Variants in PPP3CC observed in about 807,000 individuals in gnomAD.
The protein encoded by PPP3CC is serine/threonine-protein phosphatase 2B catalytic subunit gamma isoform.
PPP3CC carries 35 observed loss-of-function variants against 60.3 expected under a neutral mutation model. That is an observed-to-expected ratio of 0.58 (90% CI 0.44 to 0.77). The LOEUF (loss-of-function observed/expected upper bound fraction) is 0.77, where lower values mean the gene tolerates loss of function less well. PPP3CC is among the 30% of genes least tolerant of loss of function. The pLI, the probability that PPP3CC is intolerant of heterozygous loss-of-function variation, is 0.00. For synonymous variants in PPP3CC, 206 were observed against 224.3 expected (o/e 0.92, Z 0.73); for missense variants, 570 against 628.9 (o/e 0.91, Z 1.00).
In PPP3CC at chr8:22,539,928, T is replaced by C. The variant is rs568540539; in HGVS notation, c.1351+430T>C. Among the ~76,000 whole-genome samples the C allele has an allele frequency of 3.5e-4, 53 of 152,380 alleles. 1 individual carries two copies. The South Asian group carries it at 8.5e-3, about 24-fold the overall frequency. ...ATTTAGTTCAATTCATTTCTGAGGT[T>C]GCCCTAAGGTAGGCAAGTTAAATTA... On this transcript the variant is annotated intron_variant, in intron 13 of 13. Transcript: ENST00000240139.
At chr8:22,490,947 A>G (rs1419496152) in intron 3 of PPP3CC, among the ~76,000 whole-genome samples, 2 of 152,328 alleles carry the variant, frequency 1.3e-5, no homozygotes, top group Non-Finnish European at 2.9e-5. Flanking sequence ...AGCATGACTT[A>G]TAATCCTTTG....
intron 1 of PPP3CC, among the ~76,000 whole-genome samples, chr8:22,474,371 C>T (rs1837823460): frequency 6.6e-6 from 1 of 151,906 alleles, no homozygotes; most frequent in Non-Finnish European, 1.5e-5. Context: ...TCATTTATAA[C>T]TTGTTCCCTG....
chr8:22,517,839 A>T (rs764284452), intron 6 of PPP3CC, among the ~76,000 whole-genome samples: 1 of 151,456 alleles, frequency 6.6e-6, no homozygotes, highest in Non-Finnish European at 1.5e-5. Flanking sequence ...TTGTTTTTCT[A>T]TTCTCTATTT....
At chr8:22,484,125 G>C (rs575457444) in intron 3 of PPP3CC, among the ~76,000 whole-genome samples, 1 of 152,092 alleles carries the variant, frequency 6.6e-6, no homozygotes. Context: ...AGGATTACAG[G>C]CATGTGCTAC....
intron 12 of PPP3CC, among the ~76,000 whole-genome samples, chr8:22,538,982 C>CT (rs908372224): frequency 8.7e-5 from 13 of 149,034 alleles, no homozygotes; most frequent in East Asian, 1.9e-4. Flanking sequence ...AAAGGCCACT[C>CT]TTTTTTTTTT....
At chr8:22,458,581 G>C (rs1004598603) in intron 1 of PPP3CC, among the ~76,000 whole-genome samples, 4 of 151,448 alleles carry the variant, frequency 2.6e-5, no homozygotes, top group South Asian at 2.1e-4. Flanking sequence ...CTGGGCAACA[G>C]AGCGAGACAC....
chr8:22,481,449 A>G (rs1838067486), intron 3 of PPP3CC, among the ~76,000 whole-genome samples: 1 of 151,276 alleles, frequency 6.6e-6, no homozygotes, highest in Admixed American at 6.6e-5. Context: ...GGATGTAAAA[A>G]CGTTAGTTTC....
At position 22,476,344 on chromosome 8, in the gene PPP3CC, A is replaced by G. The variant is rs1320269503; in HGVS notation, c.372+720A>G. 2.0e-5 allele frequency among the ~76,000 whole-genome samples: 3 copies of G among 152,192 alleles called. No individual in the cohort carries two copies. In the East Asian group the frequency reaches 5.8e-4, roughly 29 times the overall value. On this transcript the variant is annotated intron_variant, in intron 3 of 13. Transcript: ENST00000240139. ...AAAAAACTTTTGAAATAGCGTGGGT[A>G]ATAGGATTTGTAATGTGACCAAGAA...
At chr8:22,451,387 C>G (rs760464374) in intron 1 of PPP3CC, among the ~76,000 whole-genome samples, 1 of 152,172 alleles carries the variant, frequency 6.6e-6, no homozygotes, top group Non-Finnish European at 1.5e-5. Context: ...CTGCCCTCCT[C>G]GGCCTCCCAA....
chr8:22,485,638 G>A (rs1461233626), intron 3 of PPP3CC, among the ~76,000 whole-genome samples: 1 of 152,188 alleles, frequency 6.6e-6, no homozygotes, highest in Non-Finnish European at 1.5e-5. Flanking sequence ...TCTTCTCTGA[G>A]ATGAGTCAGC....
At chr8:22,531,881 T>C (rs1479236907) in intron 10 of PPP3CC, among the ~76,000 whole-genome samples, 1 of 152,268 alleles carries the variant, frequency 6.6e-6, no homozygotes, top group African/African-American at 2.4e-5. Flanking sequence ...ACATCTTTGC[T>C]GTAGCAGCTT....
At chr8:22,457,067 C>T (rs1218100461) in intron 1 of PPP3CC, among the ~76,000 whole-genome samples, 1 of 128,710 alleles carries the variant, frequency 7.8e-6, no homozygotes, top group Non-Finnish European at 1.7e-5. Flanking sequence ...CCCTCCCTCC[C>T]TCCCTCCTTC....
chr8:22,478,224 T>C (rs932951191), intron 3 of PPP3CC, among the ~76,000 whole-genome samples: 8 of 151,644 alleles, frequency 5.3e-5, no homozygotes, highest in African/African-American at 1.9e-4. Context: ...CGATCTTGGC[T>C]CAGTGCAACC....
intron 1 of PPP3CC, among the ~76,000 whole-genome samples, chr8:22,464,578 C>T (rs1040034207): frequency 1.3e-5 from 2 of 152,082 alleles, no homozygotes; most frequent in Admixed American, 6.5e-5. Flanking sequence ...GACAGAGTTT[C>T]GCCATGTTGC....
At chr8:22,489,767 TTTATA>T (rs1213595213) in intron 3 of PPP3CC, among the ~76,000 whole-genome samples, 147 of 138,336 alleles carry the variant, frequency 1.1e-3, no homozygotes, top group Middle Eastern at 3.8e-3. Flanking sequence ...AAGTATATAT[TTTATA>T]TTATATATAT....
intron 12 of PPP3CC, among the ~76,000 whole-genome samples, chr8:22,535,898 A>AT: frequency 6.6e-6 from 1 of 152,078 alleles, no homozygotes; most frequent in East Asian, 1.9e-4. Context: ...TGCCCGGATA[A>AT]TTTTTTATAT....
chr8:22,441,925 C>T (rs1274569979), intron 1 of PPP3CC, among the ~76,000 whole-genome samples: 1 of 152,178 alleles, frequency 6.6e-6, no homozygotes, highest in Non-Finnish European at 1.5e-5. Context: ...CAAGTCACTG[C>T]TATTACTGGA....
intron 1 of PPP3CC, among the ~76,000 whole-genome samples, chr8:22,474,655 G>A (rs575029707): frequency 6.6e-6 from 1 of 152,252 alleles, no homozygotes; most frequent in South Asian, 2.1e-4. Context: ...AGTGAGCTGA[G>A]ATCGTGTCAC....
intron 8 of PPP3CC, among the ~76,000 whole-genome samples, chr8:22,526,939 A>G (rs2117133331): frequency 6.6e-6 from 1 of 152,356 alleles, no homozygotes; most frequent in East Asian, 1.9e-4. Context: ...GATAACTGCA[A>G]TATATAAACT....
Sources: allele counts gnomAD v4.1 joint callset (sites outside exome capture counted in the v4.1 genomes callset), GRCh38; gene constraint gnomAD v4.1.1; transcripts MANE v1.5; gene names NCBI Gene and HGNC (gene_info 2026-07-23, HGNC 2026-07-21).